The following CLNK variants were observed in gnomAD, a reference collection of about 807,000 sequenced individuals.
CLNK encodes the protein cytokine-dependent hematopoietic cell linker.
A neutral mutation model predicts 68.6 loss-of-function variants in CLNK; 74 were observed. That is an observed-to-expected ratio of 1.08 (90% CI 0.89 to 1.31). The LOEUF is 1.31. Among genes scored for constraint, CLNK ranks in the 50% most tolerant of loss-of-function variants. The pLI is 0.00. For missense variants in CLNK, 553 were observed against 515.3 expected (o/e 1.07, Z -0.71); for synonymous variants, 198 against 172.2 (o/e 1.15, Z -1.17).
At chr4:10,641,601 G>A (rs1011488111) in intron 2 of CLNK, among the ~76,000 whole-genome samples, 2 of 152,158 alleles carry the variant, frequency 1.3e-5, no homozygotes, top group African/African-American at 4.8e-5. Context: ...CATATAGACA[G>A]CTCTTAGCTT....
intron 15 of CLNK, among the ~76,000 whole-genome samples, chr4:10,515,104 G>A (rs1318280494): frequency 6.6e-6 from 1 of 152,082 alleles, no homozygotes; most frequent in Non-Finnish European, 1.5e-5. Context: ...CGGGCATGGT[G>A]GCGTGCTCCT....
At chr4:10,638,925 A>G (rs2093826679) in intron 2 of CLNK, among the ~76,000 whole-genome samples, 1 of 152,222 alleles carries the variant, frequency 6.6e-6, no homozygotes. Context: ...CATCAGTCAC[A>G]TTGGCTTAGA....
intron 2 of CLNK, among the ~76,000 whole-genome samples, chr4:10,632,247 G>A (rs1722921105): frequency 6.6e-6 from 1 of 152,214 alleles, no homozygotes; most frequent in South Asian, 2.1e-4. Flanking sequence ...CATAACCAAT[G>A]CTGGAGATTT....
chr4:10,677,067 T>C (rs1724905454), intron 1 of CLNK, among the ~76,000 whole-genome samples: 1 of 151,796 alleles, frequency 6.6e-6, no homozygotes, highest in Non-Finnish European at 1.5e-5. Context: ...AATCAGAACT[T>C]ACCCAACTGT....
chr4:10,711,934 TC>T, the CLNK span, among the ~76,000 whole-genome samples: 1 of 152,134 alleles, frequency 6.6e-6, no homozygotes, highest in Non-Finnish European at 1.5e-5. Context: ...ATTAGCATAT[TC>T]AACAGAACCT....
chr4:10,727,711 C>A, the CLNK span, among the ~76,000 whole-genome samples: 1 of 152,176 alleles, frequency 6.6e-6, no homozygotes, highest in Admixed American at 6.5e-5. Flanking sequence ...GAAGTGGAGA[C>A]AGCCAAGCTG....
At chr4:10,610,958 C>A (rs538831408) in intron 2 of CLNK, among the ~76,000 whole-genome samples, 10 of 152,022 alleles carry the variant, frequency 6.6e-5, no homozygotes, top group South Asian at 2.1e-4. Flanking sequence ...CCGAGGCAGG[C>A]GGATCACTTG....
chr4:10,528,598 T>A lies in CLNK; in HGVS notation c.631-504A>T, dbSNP rs1577108645. Among the ~76,000 whole-genome samples, 4 of 152,338 alleles carry A rather than the reference T, an allele frequency of 2.6e-5. No individual in the cohort carries two copies. In the South Asian group the frequency reaches 8.3e-4, roughly 32 times the overall value. ...TGGAATATTATAAAGACATTGTAAG[T>A]ATTTATGTAGAGAATGAAATAAGAT... On this transcript the variant is annotated intron_variant, in intron 12 of 18. Transcript: ENST00000226951.
At chr4:10,630,598 G>A (rs1346602748) in intron 2 of CLNK, among the ~76,000 whole-genome samples, 1 of 152,096 alleles carries the variant, frequency 6.6e-6, no homozygotes, top group East Asian at 1.9e-4. Flanking sequence ...TAGAGGGAGA[G>A]GGAAGGCTTA....
chr4:10,680,716 C>G (rs1725065617), intron 1 of CLNK, among the ~76,000 whole-genome samples: 1 of 152,110 alleles, frequency 6.6e-6, no homozygotes, highest in Admixed American at 6.6e-5. Flanking sequence ...CAAATTCGAG[C>G]AGTAGATATT....
intron 2 of CLNK, among the ~76,000 whole-genome samples, chr4:10,643,945 C>T (rs1164840543): frequency 6.6e-6 from 1 of 152,134 alleles, no homozygotes; most frequent in Non-Finnish European, 1.5e-5. Context: ...TGCATGCAGG[C>T]CTGAAACTGA....
At chr4:10,652,690 A>G (rs950386903) in intron 2 of CLNK, among the ~76,000 whole-genome samples, 1 of 152,224 alleles carries the variant, frequency 6.6e-6, no homozygotes, top group Non-Finnish European at 1.5e-5. Context: ...ATGTATTTGC[A>G]AATAACTATC....
At chr4:10,590,912 C>T (rs902400925) in intron 3 of CLNK, among the ~76,000 whole-genome samples, 1 of 152,144 alleles carries the variant, frequency 6.6e-6, no homozygotes, top group African/African-American at 2.4e-5. Context: ...TAAAATATCA[C>T]TAGTGCCAAA....
At chr4:10,553,616 T>C (rs540296750) in intron 8 of CLNK, among the ~76,000 whole-genome samples, 23 of 152,080 alleles carry the variant, frequency 1.5e-4, no homozygotes, top group Non-Finnish European at 3.1e-4. Flanking sequence ...CACGCCCAGC[T>C]AATTTTTTTA....
intron 1 of CLNK, among the ~76,000 whole-genome samples, chr4:10,677,620 T>C (rs1345568136): frequency 6.6e-6 from 1 of 152,048 alleles, no homozygotes; most frequent in East Asian, 1.9e-4. Flanking sequence ...CAAGATCTGA[T>C]GGTTTTATAA....
intron 3 of CLNK, among the ~76,000 whole-genome samples, chr4:10,595,178 A>G (rs1396862418): frequency 1.3e-5 from 2 of 152,168 alleles, no homozygotes; most frequent in East Asian, 3.8e-4. Context: ...AACTGGTACC[A>G]CTTTCTACTG....
chr4:10,660,882 G>C (rs1724168665), intron 2 of CLNK, among the ~76,000 whole-genome samples: 2 of 152,190 alleles, frequency 1.3e-5, no homozygotes, highest in Admixed American at 1.3e-4. Flanking sequence ...TTCCCTCACA[G>C]CTTGCAGCTT....
intron 11 of CLNK, among the ~76,000 whole-genome samples, chr4:10,533,365 G>A (rs1034227232): frequency 6.6e-6 from 1 of 152,228 alleles, no homozygotes; most frequent in Non-Finnish European, 1.5e-5. Flanking sequence ...AGTGGAGTGA[G>A]GGTATATGTT....
chr4:10,609,117 T>C (rs952505603), intron 2 of CLNK, among the ~76,000 whole-genome samples: 3 of 152,196 alleles, frequency 2.0e-5, no homozygotes, highest in Non-Finnish European at 4.4e-5. Flanking sequence ...GGTGCTGCCC[T>C]CGTGAAGCTG....
Sources: allele counts gnomAD v4.1 joint callset (sites outside exome capture counted in the v4.1 genomes callset), GRCh38; gene constraint gnomAD v4.1.1; transcripts MANE v1.5; gene names NCBI Gene and HGNC (gene_info 2026-07-23, HGNC 2026-07-21).